SDC2: variants seen among roughly 807,000 people sequenced by gnomAD.
SDC2 encodes the protein syndecan 2.
In SDC2, 13 loss-of-function variants were observed where a neutral mutation model predicts 22.2. That is an observed-to-expected ratio of 0.59 (90% CI 0.38 to 0.93). The LOEUF (loss-of-function observed/expected upper bound fraction) is 0.93, where lower values mean the gene tolerates loss of function less well. Among genes scored for constraint, SDC2 ranks in the 40% least tolerant of loss-of-function variants. SDC2 has a pLI of 0.00. For synonymous variants in SDC2, 94 were observed against 92.8 expected (o/e 1.01, Z -0.07); for missense variants, 235 against 246.8 (o/e 0.95, Z 0.32).
At chr8:96,608,947 G>A (rs1181874388) in intron 4 of SDC2, among the ~76,000 whole-genome samples, 1 of 152,066 alleles carries the variant, frequency 6.6e-6, no homozygotes, top group Non-Finnish European at 1.5e-5. Context: ...CAAGATTTAG[G>A]CACACTTGGT....
At chr8:96,540,312 C>T (rs913213854) in intron 1 of SDC2, among the ~76,000 whole-genome samples, 3 of 123,062 alleles carry the variant, frequency 2.4e-5, no homozygotes, top group African/African-American at 2.8e-5. Context: ...GGCAACATAG[C>T]AAAACCCTGT....
rs555104876 is a variant in SDC2 at position 96,494,786 on chromosome 8, C to T, written c.60+455C>T. Among the ~76,000 whole-genome samples, 18 of 152,288 alleles carry T rather than the reference C, an allele frequency of 1.2e-4. No homozygotes were observed. In the East Asian group the frequency reaches 3.3e-3, roughly 28 times the overall value. ...CTTCCTCCGCACACCATCCCCCCCGCGCCAGCTTTCCTGTTTGACTGCATG... is the reference window on the plus strand; with the variant it reads ...CTTCCTCCGCACACCATCCCCCCCGTGCCAGCTTTCCTGTTTGACTGCATG... On this transcript the variant is annotated intron_variant, in intron 1 of 4. Coordinates refer to ENST00000302190, the MANE Select transcript of SDC2 (RefSeq NM_002998.4).
chr8:96,610,778 C>T lies in SDC2; in HGVS notation c.*1230C>T, dbSNP rs1231212147. 1 of 152,628 alleles carries T rather than the reference C, an allele frequency of 6.6e-6. No individual in the cohort carries two copies. Among genetic ancestry groups the T allele is most frequent in the Non-Finnish European group, 1.5e-5 (1 of 68,028 alleles). 9.5% of individuals were successfully genotyped at this position (152,628 alleles called of 1,614,324 possible). A position where few individuals can be genotyped will look rare whatever the true frequency, so the allele number is the denominator to read the frequency against. On this transcript the variant is annotated 3_prime_UTR_variant, in exon 5 of 5. Transcript: ENST00000302190. ...TGTCTGTAAATCAAGACCAAAGAGC[C>T]TGTCGATGAGACTGTTTATTACCAG...
chr8:96,541,620 A>T (rs1237002564), intron 1 of SDC2, among the ~76,000 whole-genome samples: 2 of 152,138 alleles, frequency 1.3e-5, no homozygotes, highest in Admixed American at 6.6e-5. Context: ...TCATGATTCC[A>T]TTTATATGAG....
intron 1 of SDC2, among the ~76,000 whole-genome samples, chr8:96,512,032 G>A (rs1813335644): frequency 6.6e-6 from 1 of 152,146 alleles, no homozygotes; most frequent in South Asian, 2.1e-4. Context: ...GGTCCAAGGT[G>A]GCCAGTCCAT....
At chr8:96,590,662 C>T (rs924208904) in intron 1 of SDC2, among the ~76,000 whole-genome samples, 22 of 151,780 alleles carry the variant, frequency 1.4e-4, no homozygotes, top group African/African-American at 5.3e-4. Flanking sequence ...AAGGGGAAGG[C>T]AATAGAGGTA....
chr8:96,605,833 G>C (rs892541980), intron 3 of SDC2, among the ~76,000 whole-genome samples: 2 of 152,164 alleles, frequency 1.3e-5, no homozygotes, highest in Non-Finnish European at 2.9e-5. Flanking sequence ...TCTAGCTTAT[G>C]GTCCTTCCTA....
intron 1 of SDC2, among the ~76,000 whole-genome samples, chr8:96,560,954 A>C (rs1306663297): frequency 6.6e-6 from 1 of 152,128 alleles, no homozygotes; most frequent in African/African-American, 2.4e-5. Flanking sequence ...AAAAATACAA[A>C]AATTAGCTGG....
At chr8:96,590,428 A>G (rs1042611685) in intron 1 of SDC2, among the ~76,000 whole-genome samples, 2 of 152,166 alleles carry the variant, frequency 1.3e-5, no homozygotes, top group African/African-American at 4.8e-5. Context: ...CTCCTCAGTC[A>G]AGCAGACTAC....
At chr8:96,571,057 A>T (rs890808303) in intron 1 of SDC2, among the ~76,000 whole-genome samples, 2 of 152,202 alleles carry the variant, frequency 1.3e-5, no homozygotes, top group African/African-American at 4.8e-5. Flanking sequence ...TCAAATGGCA[A>T]ATTTTAGGTA....
At chr8:96,563,888 C>T (rs1375937050) in intron 1 of SDC2, among the ~76,000 whole-genome samples, 1 of 152,210 alleles carries the variant, frequency 6.6e-6, no homozygotes. Flanking sequence ...TGTTTCCTCT[C>T]TGCATGTTGG....
At chr8:96,506,756 A>G (rs970122033) in intron 1 of SDC2, among the ~76,000 whole-genome samples, 1 of 152,156 alleles carries the variant, frequency 6.6e-6, no homozygotes, top group African/African-American at 2.4e-5. Flanking sequence ...TCACGCCTGT[A>G]ATCCCAGCAC....
chr8:96,575,762 T>C (rs2130593437), intron 1 of SDC2, among the ~76,000 whole-genome samples: 1 of 152,296 alleles, frequency 6.6e-6, no homozygotes, highest in African/African-American at 2.4e-5. Context: ...ACCTCTAATT[T>C]TGTTTCTTTA....
chr8:96,530,277 T>C (rs956576443), intron 1 of SDC2, among the ~76,000 whole-genome samples: 26 of 152,344 alleles, frequency 1.7e-4, no homozygotes, highest in African/African-American at 5.8e-4. Context: ...TTAATAGCTA[T>C]GTTAATATGC....
intron 1 of SDC2, among the ~76,000 whole-genome samples, chr8:96,579,357 T>G (rs1814554853): frequency 6.6e-6 from 1 of 152,270 alleles, no homozygotes; most frequent in South Asian, 2.1e-4. Context: ...GCTTTGTCTG[T>G]GCATTGTAGC....
At chr8:96,602,800 A>G (rs759441790) in intron 3 of SDC2, among the ~76,000 whole-genome samples, 9 of 152,196 alleles carry the variant, frequency 5.9e-5, no homozygotes, top group Non-Finnish European at 1.2e-4. Context: ...CTCAAATTAT[A>G]TACAACTATT....
At chr8:96,567,499 CCTCTT>C (rs1814319862) in intron 1 of SDC2, among the ~76,000 whole-genome samples, 1 of 152,154 alleles carries the variant, frequency 6.6e-6, no homozygotes, top group African/African-American at 2.4e-5. Flanking sequence ...CATCCCTCAC[CCTCTT>C]CTCTTCCCCA....
At position 96,541,455 on chromosome 8, in the gene SDC2, C is replaced by T. The variant is rs142043676; in HGVS notation, c.60+47124C>T. 5.4e-3 allele frequency among the ~76,000 whole-genome samples: 788 copies of T among 146,068 alleles called. 7 individuals carry two copies. The highest frequency in any genetic ancestry group is 0.018 in the African/African-American group (715 of 38,756). ...CCGGGAGGCGGAGGTTGCAGTGAGCCGAGATCGCACCACAATACTCCAGCC... is the reference window on the plus strand; with the variant it reads ...CCGGGAGGCGGAGGTTGCAGTGAGCTGAGATCGCACCACAATACTCCAGCC... On this transcript the variant is annotated intron_variant, in intron 1 of 4. Coordinates refer to ENST00000302190, the MANE Select transcript of SDC2 (RefSeq NM_002998.4).
chr8:96,513,890 C>T (rs1419686677), intron 1 of SDC2, among the ~76,000 whole-genome samples: 3 of 152,172 alleles, frequency 2.0e-5, no homozygotes, highest in Non-Finnish European at 4.4e-5. Flanking sequence ...TACTGAGGAT[C>T]TTTAGAGGAG....
Sources: gnomAD v4.1 joint callset for allele counts (sites outside exome capture counted in the v4.1 genomes callset) on GRCh38, gnomAD v4.1.1 for gene constraint, MANE v1.5 for transcripts, NCBI Gene and HGNC (gene_info 2026-07-23, HGNC 2026-07-21) for gene names.